BMP2K: variants seen among roughly 807,000 people sequenced by gnomAD.
BMP2K encodes the protein BMP2 inducible kinase.
A neutral mutation model predicts 116.0 loss-of-function variants in BMP2K; 74 were observed. The observed-to-expected ratio is 0.64, with a 90% CI of 0.53 to 0.77. BMP2K has a LOEUF of 0.77. Ranked by LOEUF, BMP2K falls within the 30% of genes least tolerant of loss-of-function variation. The pLI is 0.00. For synonymous variants in BMP2K, 486 were observed against 502.5 expected, an observed-to-expected ratio of 0.97 and a Z score of 0.44; for missense variants, 1,365 against 1,403.6, an observed-to-expected ratio of 0.97 and a Z score of 0.44.
rs992044398 is a variant in BMP2K at position 78,776,614 on chromosome 4, G to GCGGGGC, written c.87_92dup (p.Ala30_Gly31dup). 879 of 1,199,648 alleles carry GCGGGGC rather than the reference G, an allele frequency of 7.3e-4. 3 individuals carry two copies. Among genetic ancestry groups the GCGGGGC allele is most frequent in the East Asian group, 5.9e-3 (166 of 28,208 alleles). The allele number at this position is 1,199,648 out of a possible 1,614,324, so 74.3% of individuals were successfully genotyped here. A position where few individuals can be genotyped will look rare whatever the true frequency, so the allele number is the denominator to read the frequency against. ...GGCGGAGCGGCGGGTGGCGGGGCTG[G>GCGGGGC]CGGGGCCGGGGCCGGGGCCGGCTGC... On this transcript the variant is annotated inframe_insertion, in exon 1 of 16. Transcript: ENST00000502613.
At chr4:78,855,480 C>T (rs1560530695) in intron 7 of BMP2K, among the ~76,000 whole-genome samples, 1 of 151,980 alleles carries the variant, frequency 6.6e-6, no homozygotes. Context: ...TTATCTAGGC[C>T]CAGGCATGGA....
intron 1 of BMP2K, among the ~76,000 whole-genome samples, chr4:78,785,339 T>C (rs1339517322): frequency 1.3e-5 from 2 of 152,122 alleles, no homozygotes; most frequent in African/African-American, 4.8e-5. Flanking sequence ...TCTTAACTTC[T>C]GACCTCAGGT....
intron 15 of BMP2K, among the ~76,000 whole-genome samples, chr4:78,892,609 GCTT>G (rs1733499101): frequency 6.6e-6 from 1 of 151,976 alleles, no homozygotes. Context: ...TCTTTCTCTA[GCTT>G]CTTAAGCAAG....
At chr4:78,884,621 ACC>A (rs1354373467) in intron 14 of BMP2K, among the ~76,000 whole-genome samples, 3 of 151,520 alleles carry the variant, frequency 2.0e-5, no homozygotes, top group African/African-American at 7.3e-5. Context: ...GTTCTTTCTC[ACC>A]CCCTCTTTTC....
In BMP2K at chr4:78,799,544, G is replaced by A. The variant is rs560150622; in HGVS notation, c.178+22823G>A. Among the ~76,000 whole-genome samples the A allele has an allele frequency of 3.9e-4, 59 of 152,274 alleles. No homozygotes were observed. In the South Asian group the frequency reaches 9.1e-3, roughly 24 times the overall value. On this transcript the variant is annotated intron_variant, in intron 1 of 15. Coordinates refer to ENST00000502613, the MANE Select transcript of BMP2K (RefSeq NM_198892.2). ...TTGTGTTTTTAGCTTACATACAAAT[G>A]GAGATCCTGCTGTGGATTCAAATGT...
intron 11 of BMP2K, 84 bp downstream of exon 11, chr4:78,871,144 T>C: frequency 1.3e-6 from 2 of 1,556,336 alleles, no homozygotes; most frequent in Non-Finnish European, 1.7e-6. Context: ...TTTTGTATCA[T>C]GGGCACCTTG....
Position 78,826,120 on chromosome 4 carries a change from G to T in BMP2K, c.262G>T (p.Asp88Tyr), listed in dbSNP as rs372538499. Residue 88 changes from aspartate (D) to tyrosine (Y), a missense_variant, in exon 2 of 16, where the codon GAC becomes TAC. Asp to Tyr is a radical substitution (Grantham distance 160). This residue lies in a region of BMP2K where 762 missense variants were observed against 756.7 expected (regional missense o/e 1.01). Coordinates refer to ENST00000502613, the MANE Select transcript of BMP2K (RefSeq NM_198892.2). ...GCGAATGTATGTCAATAACATGCCA[G>T]ACCTCAATGTTTGTAAAAGGGAAAT... is the stretch of plus-strand genomic sequence containing the variant. ...LKRMYVNNMP[D>Y]LNVCKREITI... 11 of 1,613,800 alleles carry T rather than the reference G, an allele frequency of 6.8e-6. No individual in the cohort carries two copies. Among genetic ancestry groups the T allele is most frequent in the Admixed American group, 1.7e-5 (1 of 59,986 alleles).
At chr4:78,882,213 A>C (rs1325954906) in intron 14 of BMP2K, among the ~76,000 whole-genome samples, 1 of 151,880 alleles carries the variant, frequency 6.6e-6, no homozygotes, top group East Asian at 1.9e-4. Context: ...TTGAGATATC[A>C]AAATTCTAAA....
intron 13 of BMP2K, among the ~76,000 whole-genome samples, chr4:78,873,723 T>C (rs1022141704): frequency 4.6e-5 from 7 of 151,842 alleles, no homozygotes; most frequent in Non-Finnish European, 7.4e-5. Flanking sequence ...CATGCATGTG[T>C]GTGCACATGT....
rs1729865915 is a variant in BMP2K at position 78,826,194 on chromosome 4, GTTTTTAT to G, written c.297+51_297+57del. On this transcript the variant is annotated intron_variant, in intron 2 of 15. Coordinates refer to ENST00000502613, the MANE Select transcript of BMP2K (RefSeq NM_198892.2). Reference sequence around the variant, plus strand: ...TAGTTCTCTTTCAGAAATTTTGCAAGTTTTTATTTTTTATTTTTCTTGGGATGGAGTG... The same window carrying G: ...TAGTTCTCTTTCAGAAATTTTGCAAGTTTTTATTTTTCTTGGGATGGAGTG... 3 of 1,528,752 alleles carry G rather than the reference GTTTTTAT, an allele frequency of 2.0e-6. No individual in the cohort carries two copies. In the African/African-American group the frequency reaches 4.1e-5, roughly 21 times the overall value. 94.7% of individuals were successfully genotyped at this position (1,528,752 alleles called of 1,614,324 possible).
In BMP2K at chr4:78,842,436, A is replaced by T; in HGVS notation, c.455A>T (p.Glu152Val). ...MNKKLQTGFT[E>V]PEVLQIFCDT... is the part of the protein sequence containing the mutation. ...AAGAAGCTACAGACGGGTTTTACAG[A>T]ACCAGAAGTGTTACAGATATTCTGT... The change falls in exon 4 of 16, where the codon GAA becomes GTA. Residue 152 changes from glutamate (E) to valine (V), a missense_variant. Glu to Val is a moderately radical substitution (Grantham distance 121). This residue lies in a region of BMP2K where 762 missense variants were observed against 756.7 expected (regional missense o/e 1.01). Coordinates refer to ENST00000502613, the MANE Select transcript of BMP2K (RefSeq NM_198892.2). 6.2e-7 allele frequency: 1 copy of T among 1,608,580 alleles called. No individual in the cohort carries two copies. The highest frequency in any genetic ancestry group is 8.5e-7 in the Non-Finnish European group (1 of 1,176,116).
At chr4:78,876,903 C>T (rs1732658594) in intron 13 of BMP2K, among the ~76,000 whole-genome samples, 1 of 152,064 alleles carries the variant, frequency 6.6e-6, no homozygotes, top group African/African-American at 2.4e-5. Context: ...CACATCTAGG[C>T]TTTATTATAT....
At chr4:78,830,664 C>T (rs1270281933) in intron 2 of BMP2K, among the ~76,000 whole-genome samples, 5 of 152,194 alleles carry the variant, frequency 3.3e-5, no homozygotes, top group African/African-American at 1.2e-4. Flanking sequence ...GCATTTCCTG[C>T]TTTACTTTGT....
In BMP2K at chr4:78,889,687, G is replaced by A. The variant is rs191849399; in HGVS notation, c.2062+2403G>A. Among the ~76,000 whole-genome samples, 26 of 152,260 alleles carry A rather than the reference G, an allele frequency of 1.7e-4. No homozygotes were observed. The East Asian group carries it at 5.0e-3, about 29-fold the overall frequency. On this transcript the variant is annotated intron_variant, in intron 15 of 15. Transcript: ENST00000502613. ...CGTTGTGAGACTGAAAAAGCATCTG[G>A]AGATTTCTAGGACTAGGACCCAAGA...
chr4:78,829,322 T>A (rs1484613190), intron 2 of BMP2K, among the ~76,000 whole-genome samples: 2 of 152,232 alleles, frequency 1.3e-5, no homozygotes, highest in Non-Finnish European at 2.9e-5. Context: ...GACCACTATC[T>A]TTGCTCATTC....
chr4:78,785,824 T>A (rs1212931991), intron 1 of BMP2K, among the ~76,000 whole-genome samples: 1 of 152,224 alleles, frequency 6.6e-6, no homozygotes, highest in Non-Finnish European at 1.5e-5. Flanking sequence ...GCATTTGGAC[T>A]GTTCTTTCAG....
intron 4 of BMP2K, among the ~76,000 whole-genome samples, chr4:78,844,396 G>T (rs1266800658): frequency 6.6e-6 from 1 of 151,412 alleles, no homozygotes. Context: ...AGTCAAATTT[G>T]TATTTTTTCA....
chr4:78,818,845 G>C (rs1729483036), intron 1 of BMP2K, among the ~76,000 whole-genome samples: 1 of 148,392 alleles, frequency 6.7e-6, no homozygotes, highest in South Asian at 2.1e-4. Flanking sequence ...CGCCCAGGCT[G>C]GAGTGCAGTG....
intron 7 of BMP2K, 61 bp from the exon 8 acceptor site, chr4:78,859,523 C>A: frequency 9.5e-7 from 1 of 1,050,110 alleles, no homozygotes; most frequent in Non-Finnish European, 1.4e-6. Context: ...TTATAATGTG[C>A]CCCTAAGTAG....
Sources: allele counts gnomAD v4.1 joint callset (sites outside exome capture counted in the v4.1 genomes callset), GRCh38; gene constraint gnomAD v4.1.1; regional missense constraint gnomAD v4.1.1; transcripts MANE v1.5; gene names NCBI Gene and HGNC (gene_info 2026-07-23, HGNC 2026-07-21).